Variants in NAA25 observed in about 807,000 individuals in gnomAD.
NAA25 encodes N-alpha-acetyltransferase 25, NatB auxiliary subunit, also known as N-terminal acetyltransferase B complex subunit NAA25.
A neutral mutation model predicts 132.5 loss-of-function variants in NAA25; 30 were observed. That is an observed-to-expected ratio of 0.23 (90% CI 0.17 to 0.31). The LOEUF (loss-of-function observed/expected upper bound fraction) is 0.31, where lower values mean the gene tolerates loss of function less well. NAA25 is among the 10% of genes least tolerant of loss of function. The probability of loss-of-function intolerance (pLI) is 1.00; values close to 1 mark genes in which losing one functional copy is unlikely to be tolerated. For missense variants in NAA25, 771 were observed against 1,150.4 expected (o/e 0.67, Z 4.77); for synonymous variants, 359 against 401.9 (o/e 0.89, Z 1.28).
chr12:112,039,372 G>T, intron 21 of NAA25, 33 bp from the exon 22 acceptor site: 1 of 1,246,648 alleles, frequency 8.0e-7, no homozygotes, highest in Non-Finnish European at 1.2e-6. Context: ...CACCAATAAG[G>T]ATTACACTAA....
chr12:112,042,170 T>C, intron 19 of NAA25, 66 bp from the exon 20 acceptor site: 1 of 750,914 alleles, frequency 1.3e-6, no homozygotes, highest in Non-Finnish European at 2.0e-6. Flanking sequence ...AGAAGCAAGA[T>C]AAATACCTGC....
intron 19 of NAA25, among the ~76,000 whole-genome samples, chr12:112,042,509 ATTT>A (rs773240054): frequency 7.6e-5 from 11 of 144,536 alleles, no homozygotes; most frequent in African/African-American, 1.8e-4. Flanking sequence ...TCTTATTTTT[ATTT>A]TTTTTTTTTT....
At chr12:112,085,631 A>G (rs2079035107) in intron 4 of NAA25, among the ~76,000 whole-genome samples, 1 of 152,160 alleles carries the variant, frequency 6.6e-6, no homozygotes, top group South Asian at 2.1e-4. Flanking sequence ...ATGAATGAAT[A>G]TTTAATATAC....
chr12:112,062,227 T>C (rs2078641554), intron 11 of NAA25, among the ~76,000 whole-genome samples: 1 of 151,674 alleles, frequency 6.6e-6, no homozygotes. Context: ...TGAAACCCCA[T>C]CTCTACTAAA....
chr12:112,031,633 A>G (rs2078151839), intron 23 of NAA25, among the ~76,000 whole-genome samples: 1 of 152,120 alleles, frequency 6.6e-6, no homozygotes, highest in Admixed American at 6.6e-5. Context: ...TCATTCCAGG[A>G]TGCAGACAGA....
At chr12:112,082,683 T>G (rs531409332) in intron 4 of NAA25, among the ~76,000 whole-genome samples, 2 of 151,364 alleles carry the variant, frequency 1.3e-5, no homozygotes, top group Non-Finnish European at 2.9e-5. Flanking sequence ...ACCTCTTCTT[T>G]CTTTAAGGGA....
Position 112,071,984 on chromosome 12 carries a change from C to T in NAA25, c.947G>A (p.Ser316Asn). 1 of 1,614,038 alleles carries T rather than the reference C, an allele frequency of 6.2e-7. No homozygotes were observed. The highest frequency in any genetic ancestry group is 1.1e-5 in the South Asian group (1 of 91,074). ...ATGTGGTCCTCGGAGATGGCGAGAA[C>T]TTTTAGATTCTTCCGTTATCCGATC... ...IEDRITEESK[S>N]SRHLRGPHLA... The change falls in exon 10 of 24, where the codon AGT becomes AAT. Residue 316 changes from serine (S) to asparagine (N), a missense_variant. Coordinates refer to ENST00000261745, the MANE Select transcript of NAA25 (RefSeq NM_024953.4).
intron 4 of NAA25, among the ~76,000 whole-genome samples, chr12:112,087,301 A>G (rs1011979346): frequency 6.6e-6 from 1 of 152,324 alleles, no homozygotes; most frequent in Admixed American, 6.5e-5. Context: ...CAACAGTTTA[A>G]ATTTACAAAT....
At position 112,087,345 on chromosome 12, in the gene NAA25, T is replaced by C. The variant is rs1353247828; in HGVS notation, c.402+338A>G. On this transcript the variant is annotated intron_variant, in intron 4 of 23. Coordinates refer to ENST00000261745, the MANE Select transcript of NAA25 (RefSeq NM_024953.4). ...AACTTTAAAGTTACTCTTTCCATAGTTGTTCATTTTTTGCTCTGGTATATC... is the reference window on the plus strand; with the variant it reads ...AACTTTAAAGTTACTCTTTCCATAGCTGTTCATTTTTTGCTCTGGTATATC... 2.0e-5 allele frequency among the ~76,000 whole-genome samples: 3 copies of C among 152,240 alleles called. No homozygotes were observed. The East Asian group carries it at 5.8e-4, about 29-fold the overall frequency.
intron 6 of NAA25, 45 bp from the exon 7 acceptor site, chr12:112,078,311 T>A: frequency 7.4e-7 from 1 of 1,358,430 alleles, no homozygotes; most frequent in Non-Finnish European, 1.0e-6. Flanking sequence ...AACTTTTCAA[T>A]AATAAAAAGA....
rs563521393 is a variant in NAA25, at chr12:112,049,967, T to C, written c.1729-1524A>G. Among the ~76,000 whole-genome samples, 6 of 151,418 alleles carry C rather than the reference T, an allele frequency of 4.0e-5. No individual in the cohort carries two copies. The highest frequency in any genetic ancestry group is 2.1e-4 in the South Asian group (1 of 4,790). ...ATAATTACAGTTCCAAAGTATGCTA[T>C]GATTTAAGGAGGGAACCCAGCCTTA... On this transcript the variant is annotated intron_variant, in intron 15 of 23. Transcript: ENST00000261745. The surrounding 1 kb of genome is among the most constrained non-coding windows in gnomAD (Gnocchi z 4.7).
rs1325569992 is a variant in NAA25 at position 112,078,269 on chromosome 12, T to C, written c.586-3A>G. ...AGGATCATATAATAAAGTTCAACCT[T>C]ACAGAAAAAAAACAAGAAGTGCAAC... On this transcript the variant is annotated splice_polypyrimidine_tract_variant and splice_region_variant and intron_variant, in intron 6 of 23. Coordinates refer to ENST00000261745, the MANE Select transcript of NAA25 (RefSeq NM_024953.4). 1.9e-6 allele frequency: 3 copies of C among 1,599,806 alleles called. No individual in the cohort carries two copies. The highest frequency in any genetic ancestry group is 1.7e-6 in the Non-Finnish European group (2 of 1,174,100).
In NAA25 at chr12:112,100,383, G is replaced by C. The variant is rs2056697; in HGVS notation, c.59-7247C>G. Among the ~76,000 whole-genome samples the C allele has an allele frequency of 0.055, 8,396 of 151,922 alleles. 1,285 individuals carry two copies. In the East Asian group the frequency reaches 0.61, roughly 11 times the overall value. On this transcript the variant is annotated intron_variant, in intron 1 of 23. Coordinates refer to ENST00000261745, the MANE Select transcript of NAA25 (RefSeq NM_024953.4). ...TCACCATGTTGGCCAGGATGGTCTC[G>C]ATCTCCTGACCTCGTGATCCTCCTG...
chr12:112,091,601 G>A (rs370607557), intron 2 of NAA25, among the ~76,000 whole-genome samples: 3 of 152,246 alleles, frequency 2.0e-5, no homozygotes, highest in Admixed American at 6.5e-5. Flanking sequence ...GCTGAGGTAG[G>A]AGGATCGCTT....
chr12:112,055,180 C>T (rs1019447105), intron 13 of NAA25, among the ~76,000 whole-genome samples: 2 of 152,072 alleles, frequency 1.3e-5, no homozygotes, highest in African/African-American at 4.8e-5. Context: ...AGTTATCGTA[C>T]TATCTAGTGA....
intron 6 of NAA25, 78 bp downstream of exon 6, chr12:112,078,556 C>T (rs1422946292): frequency 1.1e-5 from 14 of 1,283,360 alleles, no homozygotes; most frequent in Non-Finnish European, 1.6e-5. Flanking sequence ...AACAAAACAA[C>T]AGTTCATAGT....
intron 11 of NAA25, among the ~76,000 whole-genome samples, chr12:112,068,011 T>C (rs2078744529): frequency 1.3e-5 from 2 of 152,178 alleles, no homozygotes; most frequent in African/African-American, 4.8e-5. Context: ...GTGCTGGGAT[T>C]ACAGGCGTAA....
intron 7 of NAA25, among the ~76,000 whole-genome samples, 176 bp downstream of exon 7, chr12:112,078,012 A>G (rs2078918159): frequency 6.6e-6 from 1 of 152,138 alleles, no homozygotes; most frequent in African/African-American, 2.4e-5. Flanking sequence ...TGTTATTTTC[A>G]AGTAAAAACA....
chr12:112,069,016 CT>C, intron 10 of NAA25, 24 bp from the exon 11 acceptor site: 1 of 1,299,096 alleles, frequency 7.7e-7, no homozygotes, highest in South Asian at 1.2e-5. Flanking sequence ...AACAAAATCA[CT>C]TTATTACTCA....
Sources: gnomAD v4.1 joint callset for allele counts (sites outside exome capture counted in the v4.1 genomes callset) on GRCh38, gnomAD v4.1.1 for gene constraint, Gnocchi (gnomAD v3.1) non-coding constraint, MANE v1.5 for transcripts, NCBI Gene and HGNC (gene_info 2026-07-23, HGNC 2026-07-21) for gene names.